Variants in CD109 observed in about 807,000 individuals in gnomAD.
CD109 encodes the protein CD109 antigen.
Under a neutral mutation model 165.8 loss-of-function variants are expected in CD109, and 149 were observed. The observed-to-expected ratio is 0.90, with a 90% CI of 0.79 to 1.03. CD109 has a LOEUF of 1.03. Ranked by LOEUF, CD109 falls within the 50% of genes least tolerant of loss-of-function variation. The probability of loss-of-function intolerance (pLI) is 0.00; values close to 1 mark genes in which losing one functional copy is unlikely to be tolerated. For missense variants in CD109, 1,712 were observed against 1,677.8 expected (o/e 1.02, Z -0.36); for synonymous variants, 585 against 592.1 (o/e 0.99, Z 0.18).
chr6:73,782,219 T>G (rs544633611), intron 17 of CD109, among the ~76,000 whole-genome samples: 4 of 152,188 alleles, frequency 2.6e-5, no homozygotes, highest in Non-Finnish European at 5.9e-5. Context: ...TTTATAGTCT[T>G]GAAGATGTTA....
At chr6:73,711,170 T>C (rs1323060540) in intron 2 of CD109, among the ~76,000 whole-genome samples, 5 of 152,202 alleles carry the variant, frequency 3.3e-5, no homozygotes. Context: ...GGTTTTTCAT[T>C]TGTACTTAAC....
In CD109 at chr6:73,798,670, T is replaced by C. The variant is rs151179983; in HGVS notation, c.2879-4550T>C. Among the ~76,000 whole-genome samples, 11 of 152,336 alleles carry C rather than the reference T, an allele frequency of 7.2e-5. No individual in the cohort carries two copies. In the East Asian group the frequency reaches 1.7e-3, roughly 24 times the overall value. The stretch of plus-strand genomic sequence containing the variant: ...ATTCACTGCAAAACTGGTGATTGTC[T>C]GTGGCCTCTTCTCTGGGCTGGCTGC... On this transcript the variant is annotated intron_variant, in intron 23 of 32. Coordinates refer to ENST00000287097, the MANE Select transcript of CD109 (RefSeq NM_133493.5).
intron 2 of CD109, among the ~76,000 whole-genome samples, chr6:73,705,309 C>T (rs72953378): frequency 0.037 from 5,586 of 152,164 alleles, 144 homozygotes; most frequent in Non-Finnish European, 0.057. Flanking sequence ...AAGAACAAGT[C>T]TTTTGAGAGA....
chr6:73,797,851 GC>G (rs1354266471), intron 23 of CD109, among the ~76,000 whole-genome samples: 1 of 152,082 alleles, frequency 6.6e-6, no homozygotes, highest in African/African-American at 2.4e-5. Context: ...TATCTTAAGA[GC>G]CTCTGGACTT....
At chr6:73,774,998 A>G (rs1011727789) in intron 15 of CD109, among the ~76,000 whole-genome samples, 2 of 151,968 alleles carry the variant, frequency 1.3e-5, no homozygotes, top group African/African-American at 4.8e-5. Flanking sequence ...ATGCCTTGGA[A>G]TAATTTCAGT....
intron 7 of CD109, among the ~76,000 whole-genome samples, chr6:73,759,895 AT>A (rs796873614): frequency 0.01 from 1,464 of 142,158 alleles, 18 homozygotes; most frequent in African/African-American, 0.031. Flanking sequence ...TTGAACTTGG[AT>A]TTTTTTTTTT....
intron 4 of CD109, among the ~76,000 whole-genome samples, chr6:73,731,093 C>T (rs1280852281): frequency 6.6e-6 from 1 of 151,708 alleles, no homozygotes; most frequent in Non-Finnish European, 1.5e-5. Flanking sequence ...GTTGCCCAGG[C>T]TGGAGTGCAA....
upstream of CD109, chr6:73,695,693 CGTGCGTGTGTGT>C (rs764739426): frequency 1.9e-4 from 29 of 153,952 alleles, no homozygotes; most frequent in African/African-American, 2.4e-4. Context: ...CGCGCGTGTG[CGTGCGTGTGTGT>C]GTGCGTGTGT....
intron 15 of CD109, among the ~76,000 whole-genome samples, chr6:73,772,434 A>G (rs1326691196): frequency 1.4e-5 from 2 of 143,126 alleles, no homozygotes; most frequent in African/African-American, 5.2e-5. Flanking sequence ...GAATCCCAGG[A>G]GGCGGAGCTT....
At chr6:73,823,119 G>C (rs539330051) in intron 32 of CD109, among the ~76,000 whole-genome samples, 2 of 152,200 alleles carry the variant, frequency 1.3e-5, no homozygotes, top group Non-Finnish European at 2.9e-5. Context: ...AAACTCTTGA[G>C]GAGGTTAAAC....
chr6:73,808,230 T>A lies in CD109; in HGVS notation c.3337T>A (p.Trp1113Arg). 6.2e-7 allele frequency: 1 copy of A among 1,613,084 alleles called. No homozygotes were observed. The highest frequency in any genetic ancestry group is 8.5e-7 in the Non-Finnish European group (1 of 1,179,448). Reference protein sequence around the residue: ...KAKEALNMLTWRAEQEGGMQF... With the variant: ...KAKEALNMLTRRAEQEGGMQF... ...GAAGGAAGCTTTGAATATGCTGACT[T>A]GGAGAGCAGAACAAGAAGGTAATGT... Residue 1113 changes from tryptophan (W) to arginine (R), a missense_variant, in exon 26 of 33, where the codon TGG becomes AGG. Coordinates refer to ENST00000287097, the MANE Select transcript of CD109 (RefSeq NM_133493.5).
At chr6:73,767,755 A>G (rs9359043) in intron 13 of CD109, among the ~76,000 whole-genome samples, 5,823 of 152,274 alleles carry the variant, frequency 0.038, 463 homozygotes, top group East Asian at 0.3. Flanking sequence ...GCTATCCATG[A>G]CCATGTAATT....
rs544034772 is a variant in CD109 at position 73,792,574 on chromosome 6, G to C, written c.2702-52G>C. ...AGTGGAAGTCTCTTTGCCACCAGCA[G>C]GTCGTTGTTACTGAGTATTTACTGA... On this transcript the variant is annotated intron_variant, in intron 22 of 32. Coordinates refer to ENST00000287097, the MANE Select transcript of CD109 (RefSeq NM_133493.5). The C allele has an allele frequency of 9.2e-5, 141 of 1,528,242 alleles. 3 individuals are homozygous for C. The South Asian group carries it at 1.6e-3, about 17-fold the overall frequency. The allele number at this position is 1,528,242 out of a possible 1,614,324, so 94.7% of individuals were successfully genotyped here. A position where few individuals can be genotyped will look rare whatever the true frequency, so the allele number is the denominator to read the frequency against.
intron 15 of CD109, among the ~76,000 whole-genome samples, chr6:73,775,006 A>C (rs1274457182): frequency 6.6e-6 from 1 of 151,462 alleles, no homozygotes; most frequent in Admixed American, 6.6e-5. Flanking sequence ...GAATAATTTC[A>C]GTATGTGGAT....
Position 73,782,514 on chromosome 6 carries a change from C to T in CD109, c.1964-100C>T. 3.4e-6 allele frequency: 4 copies of T among 1,169,568 alleles called. No individual in the cohort carries two copies. The East Asian group carries it at 9.5e-5, about 28-fold the overall frequency. The allele number at this position is 1,169,568 out of a possible 1,614,324, so 72.4% of individuals were successfully genotyped here. A position where few individuals can be genotyped will look rare whatever the true frequency, so the allele number is the denominator to read the frequency against. Reference sequence around the variant, plus strand: ...ATACTCTCACTGGCACATTATGTCTCTGGACACCTCAAGTGATTGACATTC... The same window carrying T: ...ATACTCTCACTGGCACATTATGTCTTTGGACACCTCAAGTGATTGACATTC... On this transcript the variant is annotated intron_variant, in intron 17 of 32. Coordinates refer to ENST00000287097, the MANE Select transcript of CD109 (RefSeq NM_133493.5).
intron 5 of CD109, among the ~76,000 whole-genome samples, chr6:73,755,862 G>A (rs1160011210): frequency 6.6e-6 from 1 of 152,064 alleles, no homozygotes; most frequent in East Asian, 1.9e-4. Flanking sequence ...TTGGTGGGCT[G>A]AGGCAGGAGA....
At chr6:73,819,800 G>T (rs566638601) in intron 31 of CD109, among the ~76,000 whole-genome samples, 1 of 152,256 alleles carries the variant, frequency 6.6e-6, no homozygotes, top group East Asian at 1.9e-4. Context: ...TTGTGTAATT[G>T]GTTTTGGAGT....
intron 3 of CD109, among the ~76,000 whole-genome samples, chr6:73,724,188 C>T (rs918517287): frequency 2.6e-5 from 4 of 152,080 alleles, no homozygotes; most frequent in Non-Finnish European, 5.9e-5. Flanking sequence ...TTAAATTTTG[C>T]ACCTTAGACA....
intron 4 of CD109, 148 bp downstream of exon 4, chr6:73,730,722 A>C (rs1336201094): frequency 4.8e-6 from 3 of 627,740 alleles, no homozygotes; most frequent in Non-Finnish European, 8.3e-6. Flanking sequence ...CTAATAGGAA[A>C]GAAGGTGGTG....
Sources: gnomAD v4.1 joint callset for allele counts (sites outside exome capture counted in the v4.1 genomes callset) on GRCh38, gnomAD v4.1.1 for gene constraint, MANE v1.5 for transcripts, NCBI Gene and HGNC (gene_info 2026-07-23, HGNC 2026-07-21) for gene names.